The following KCNQ3 variants were observed in gnomAD, a reference collection of about 807,000 sequenced individuals.
KCNQ3 encodes the protein potassium voltage-gated channel subfamily KQT member 3.
Under a neutral mutation model 92.5 loss-of-function variants are expected in KCNQ3, and 30 were observed. The ratio of observed to expected loss-of-function variants is 0.32; its 90% CI spans 0.24 to 0.44. The LOEUF is 0.44. Ranked by LOEUF, KCNQ3 falls within the 20% of genes least tolerant of loss-of-function variation. KCNQ3 has a pLI of 1.00. For missense variants in KCNQ3, 913 were observed against 1,140.3 expected, an observed-to-expected ratio of 0.80 and a Z score of 2.87; for synonymous variants, 450 against 468.8, an observed-to-expected ratio of 0.96 and a Z score of 0.52.
At chr8:132,133,790 A>G (rs376119985) in intron 13 of KCNQ3, among the ~76,000 whole-genome samples, 12 of 152,352 alleles carry the variant, frequency 7.9e-5, no homozygotes, top group African/African-American at 2.4e-4. Flanking sequence ...AGAACATCTT[A>G]TTCAAAATTT....
intron 1 of KCNQ3, among the ~76,000 whole-genome samples, chr8:132,461,306 G>A (rs1822053935): frequency 6.6e-6 from 1 of 152,176 alleles, no homozygotes; most frequent in South Asian, 2.1e-4. Flanking sequence ...GCTCACACCT[G>A]TAATCCCAGC....
intron 1 of KCNQ3, among the ~76,000 whole-genome samples, chr8:132,364,686 C>CGGATGGATGGAT (rs780404477): frequency 1.3e-4 from 15 of 114,584 alleles, no homozygotes; most frequent in Non-Finnish European, 2.4e-4. Context: ...GACGGACGGA[C>CGGATGGATGGAT]GGACGGACGG....
rs202225412 is a variant in KCNQ3 at position 132,207,716 on chromosome 8, T to G, written c.387-21535A>C. Among the ~76,000 whole-genome samples the G allele has an allele frequency of 8.9e-3, 1,353 of 152,222 alleles. 23 individuals are homozygous for G. Among genetic ancestry groups the G allele is most frequent in the African/African-American group, 0.031 (1,292 of 41,538 alleles). On this transcript the variant is annotated intron_variant, in intron 1 of 14. Coordinates refer to ENST00000388996, the MANE Select transcript of KCNQ3 (RefSeq NM_004519.4). The stretch of plus-strand genomic sequence containing the variant: ...GTAAACATCTCAGACTTTTTTTTTT[T>G]TATCCCATTAGCACCTTTCTACAAA...
intron 1 of KCNQ3, among the ~76,000 whole-genome samples, chr8:132,339,190 G>A (rs553339948): frequency 5.9e-5 from 9 of 152,150 alleles, no homozygotes; most frequent in Non-Finnish European, 1.3e-4. Flanking sequence ...AACAAAGTGG[G>A]GGCTGGAACA....
chr8:132,437,295 A>G (rs1821421386), intron 1 of KCNQ3, among the ~76,000 whole-genome samples: 2 of 150,976 alleles, frequency 1.3e-5, no homozygotes, highest in South Asian at 4.2e-4. Context: ...AAATAAAAAT[A>G]AAAAATAAAA....
chr8:132,177,968 C>T (rs541820225), intron 4 of KCNQ3, among the ~76,000 whole-genome samples: 1 of 152,316 alleles, frequency 6.6e-6, no homozygotes, highest in Non-Finnish European at 1.5e-5. Flanking sequence ...CCATTCCCAC[C>T]CCTGGGAAAC....
At chr8:132,287,650 G>A (rs1816715759) in intron 1 of KCNQ3, among the ~76,000 whole-genome samples, 1 of 152,152 alleles carries the variant, frequency 6.6e-6, no homozygotes, top group Non-Finnish European at 1.5e-5. Flanking sequence ...TTGAAATTTG[G>A]TGGATCATTA....
intron 9 of KCNQ3, among the ~76,000 whole-genome samples, chr8:132,152,004 C>T (rs1402843056): frequency 6.6e-6 from 1 of 152,096 alleles, no homozygotes; most frequent in Non-Finnish European, 1.5e-5. Context: ...TATTGGATAC[C>T]ATGAGATAAT....
chr8:132,184,228 G>A lies in KCNQ3; in HGVS notation c.604+13C>T. 2 of 1,614,080 alleles carry A rather than the reference G, an allele frequency of 1.2e-6. No homozygotes were observed. Among genetic ancestry groups the A allele is most frequent in the Non-Finnish European group, 1.7e-6 (2 of 1,179,992 alleles). On this transcript the variant is annotated intron_variant, in intron 3 of 14. Coordinates refer to ENST00000388996, the MANE Select transcript of KCNQ3 (RefSeq NM_004519.4). ...GAACTGAGGAGGCTGGGAGGCTCAG[G>A]GTCAGGACTTACCCAACATGCACAG... is the stretch of plus-strand genomic sequence containing the variant.
intron 1 of KCNQ3, among the ~76,000 whole-genome samples, chr8:132,219,045 C>A (rs1814131509): frequency 6.6e-6 from 1 of 152,204 alleles, no homozygotes; most frequent in Non-Finnish European, 1.5e-5. Context: ...ACACTATGAC[C>A]TCTGTGGTGT....
In KCNQ3 at chr8:132,141,262, T is replaced by C. The variant is rs775590544; in HGVS notation, c.1332A>G (p.Leu444=). Residue 444 remains leucine (L), a synonymous_variant, in exon 10 of 15, where the codon CTA becomes CTG. Transcript: ENST00000388996. The part of the protein sequence containing the change: ...NPRGSNTKGK[L]FTPLNVDAIE... ...TGGCATCTACATTCAGAGGGGTAAA[T>C]AGCTTTCCTTTAGTATTGCTACCAC... 3.1e-6 allele frequency: 5 copies of C among 1,614,144 alleles called. No homozygotes were observed. Among genetic ancestry groups the C allele is most frequent in the East Asian group, 2.2e-5 (1 of 44,874 alleles).
intron 1 of KCNQ3, among the ~76,000 whole-genome samples, chr8:132,338,691 C>T (rs1818434939): frequency 6.6e-6 from 1 of 152,162 alleles, no homozygotes; most frequent in Non-Finnish European, 1.5e-5. Flanking sequence ...CTCTCAGGAA[C>T]ACACCGGTTG....
At position 132,264,928 on chromosome 8, in the gene KCNQ3, T is replaced by G. The variant is rs139290627; in HGVS notation, c.387-78747A>C. 4.3e-3 allele frequency among the ~76,000 whole-genome samples: 662 copies of G among 152,312 alleles called. 6 individuals carry two copies. Among genetic ancestry groups the G allele is most frequent in the African/African-American group, 0.015 (615 of 41,546 alleles). On this transcript the variant is annotated intron_variant, in intron 1 of 14. Coordinates refer to ENST00000388996, the MANE Select transcript of KCNQ3 (RefSeq NM_004519.4). ...AATTCTTCATAAGTTAGTTGAGAAC[T>G]ATGGCAAAAGGAAAAAGCAGGCATA... is the stretch of plus-strand genomic sequence containing the variant.
intron 1 of KCNQ3, among the ~76,000 whole-genome samples, chr8:132,325,385 G>C (rs542097439): frequency 1.3e-5 from 2 of 152,268 alleles, no homozygotes; most frequent in South Asian, 2.1e-4. Context: ...CCTGAGAAAA[G>C]AGACGACTGG....
intron 1 of KCNQ3, among the ~76,000 whole-genome samples, chr8:132,194,315 C>A (rs965216220): frequency 5.9e-5 from 9 of 152,232 alleles, no homozygotes; most frequent in African/African-American, 2.2e-4. Context: ...AAGGCAGTGA[C>A]AGACCTCAAA....
intron 1 of KCNQ3, among the ~76,000 whole-genome samples, chr8:132,221,434 A>G (rs1814233969): frequency 6.6e-6 from 1 of 152,228 alleles, no homozygotes; most frequent in African/African-American, 2.4e-5. Flanking sequence ...TCCCACCAAC[A>G]GTGTAAAAGT....
chr8:132,337,671 C>A (rs954720875), intron 1 of KCNQ3, among the ~76,000 whole-genome samples: 2 of 152,144 alleles, frequency 1.3e-5, no homozygotes, highest in Middle Eastern at 3.2e-3. Flanking sequence ...TCAGACCCCC[C>A]AGACCTGCCG....
intron 1 of KCNQ3, among the ~76,000 whole-genome samples, chr8:132,472,238 A>G (rs1822314022): frequency 6.6e-6 from 1 of 152,226 alleles, no homozygotes; most frequent in Non-Finnish European, 1.5e-5. Flanking sequence ...CTATCATACC[A>G]TCCAGCAACC....
chr8:132,159,884 T>G (rs900980688), intron 9 of KCNQ3, among the ~76,000 whole-genome samples: 2 of 152,170 alleles, frequency 1.3e-5, no homozygotes, highest in Non-Finnish European at 2.9e-5. Flanking sequence ...CATCTATCCA[T>G]TCATCCATCC....
Sources: gnomAD v4.1 joint callset for allele counts (sites outside exome capture counted in the v4.1 genomes callset) on GRCh38, gnomAD v4.1.1 for gene constraint, MANE v1.5 for transcripts, NCBI Gene and HGNC (gene_info 2026-07-23, HGNC 2026-07-21) for gene names.